Variants in ZNF804B observed in about 807,000 individuals in gnomAD.
The protein encoded by ZNF804B is zinc finger 804B.
ZNF804B carries 80 observed loss-of-function variants against 101.4 expected under a neutral mutation model. The observed-to-expected ratio is 0.79, with a 90% CI of 0.66 to 0.95. The LOEUF (loss-of-function observed/expected upper bound fraction) is 0.95, where lower values mean the gene tolerates loss of function less well. ZNF804B is among the 40% of genes least tolerant of loss of function. ZNF804B has a pLI of 0.00. For missense variants in ZNF804B, 1,673 were observed against 1,561.9 expected (o/e 1.07, Z -1.20); for synonymous variants, 622 against 558.8 (o/e 1.11, Z -1.59).
At chr7:89,035,312 TC>T (rs1377223778) in intron 1 of ZNF804B, among the ~76,000 whole-genome samples, 1 of 152,066 alleles carries the variant, frequency 6.6e-6, no homozygotes. Flanking sequence ...GTAGCTTCTA[TC>T]ACCAGCAAAG....
chr7:89,210,468 A>C (rs1206643240), intron 1 of ZNF804B, among the ~76,000 whole-genome samples: 1 of 152,234 alleles, frequency 6.6e-6, no homozygotes, highest in South Asian at 2.1e-4. Context: ...AGCATACATC[A>C]GCTGTTTATC....
At chr7:88,797,883 A>C (rs185687322) in intron 1 of ZNF804B, among the ~76,000 whole-genome samples, 1 of 152,254 alleles carries the variant, frequency 6.6e-6, no homozygotes, top group East Asian at 1.9e-4. Context: ...AGAGTGATGT[A>C]CTATCAAGTT....
intron 1 of ZNF804B, among the ~76,000 whole-genome samples, chr7:88,851,265 A>G (rs539498515): frequency 6.6e-6 from 1 of 152,244 alleles, no homozygotes; most frequent in South Asian, 2.1e-4. Context: ...TATAAAAGCT[A>G]TACATCTGCA....
chr7:89,067,502 G>T (rs934362140), intron 1 of ZNF804B, among the ~76,000 whole-genome samples: 3 of 152,132 alleles, frequency 2.0e-5, no homozygotes, highest in Non-Finnish European at 4.4e-5. Context: ...CCAAATGATT[G>T]CTCTTCCCTT....
chr7:89,026,287 G>A (rs1050894603), intron 1 of ZNF804B, among the ~76,000 whole-genome samples: 4 of 152,142 alleles, frequency 2.6e-5, no homozygotes, highest in Non-Finnish European at 5.9e-5. Context: ...AGAATGGAAC[G>A]GGGTTGCCCA....
chr7:89,239,972 A>G (rs1375549425), intron 2 of ZNF804B, among the ~76,000 whole-genome samples: 2 of 151,872 alleles, frequency 1.3e-5, no homozygotes, highest in Admixed American at 6.6e-5. Context: ...AATGGTATCT[A>G]ACTTCTCAAT....
chr7:88,993,523 A>C (rs1227913303), intron 1 of ZNF804B, among the ~76,000 whole-genome samples: 1 of 152,074 alleles, frequency 6.6e-6, no homozygotes, highest in Non-Finnish European at 1.5e-5. Flanking sequence ...AAAAAGGTCA[A>C]TGACCCAAAA....
At chr7:89,210,447 G>A (rs574676393) in intron 1 of ZNF804B, among the ~76,000 whole-genome samples, 33 of 152,162 alleles carry the variant, frequency 2.2e-4, no homozygotes, top group Non-Finnish European at 3.4e-4. Context: ...CATCACCTAG[G>A]TATTAAGCCC....
intron 1 of ZNF804B, among the ~76,000 whole-genome samples, chr7:88,763,652 A>G (rs1281188776): frequency 1.3e-5 from 2 of 152,026 alleles, no homozygotes; most frequent in South Asian, 2.1e-4. Flanking sequence ...AAATTCTACC[A>G]CAATTTATAC....
chr7:88,990,029 A>G (rs1321340337), intron 1 of ZNF804B, among the ~76,000 whole-genome samples: 1 of 152,092 alleles, frequency 6.6e-6, no homozygotes, highest in African/African-American at 2.4e-5. Flanking sequence ...CAAAAAGAAT[A>G]TAAATCACCT....
chr7:89,121,011 A>G (rs1261925508), intron 1 of ZNF804B, among the ~76,000 whole-genome samples: 2 of 152,244 alleles, frequency 1.3e-5, no homozygotes, highest in African/African-American at 2.4e-5. Context: ...CGACTTAGTC[A>G]TCATAAAATG....
intron 1 of ZNF804B, among the ~76,000 whole-genome samples, chr7:88,890,636 C>CT (rs1249863595): frequency 3.3e-5 from 5 of 151,984 alleles, no homozygotes; most frequent in African/African-American, 7.2e-5. Flanking sequence ...TGTTTAGTTG[C>CT]TTTTTTTCCC....
In ZNF804B at chr7:89,258,362, C is replaced by G. The variant is rs137981807; in HGVS notation, c.249+40067C>G. On this transcript the variant is annotated intron_variant, in intron 2 of 3. Transcript: ENST00000333190. The stretch of plus-strand genomic sequence containing the variant: ...CCCCTTAATTGCTCAGAATCCTGCT[C>G]TGCTAGTCTAATGAATAATGAAAAT... Among the ~76,000 whole-genome samples the G allele has an allele frequency of 1.6e-4, 25 of 152,206 alleles. No individual in the cohort carries two copies. The East Asian group carries it at 4.8e-3, about 29-fold the overall frequency.
At chr7:89,077,960 C>T (rs1195720076) in intron 1 of ZNF804B, among the ~76,000 whole-genome samples, 1 of 151,934 alleles carries the variant, frequency 6.6e-6, no homozygotes, top group Non-Finnish European at 1.5e-5. Context: ...TGAAAATTTT[C>T]TTAGAACCAC....
At chr7:88,936,069 C>T (rs1460911322) in intron 1 of ZNF804B, among the ~76,000 whole-genome samples, 1 of 148,236 alleles carries the variant, frequency 6.7e-6, no homozygotes, top group Non-Finnish European at 1.5e-5. Context: ...TTCCTTTCCC[C>T]TTCTCTCTCC....
At chr7:89,243,467 G>C (rs1291746613) in intron 2 of ZNF804B, among the ~76,000 whole-genome samples, 1 of 151,740 alleles carries the variant, frequency 6.6e-6, no homozygotes, top group African/African-American at 2.4e-5. Context: ...GAACCAAATA[G>C]TTTTTAATAT....
chr7:89,249,479 T>G (rs1789507537), intron 2 of ZNF804B, among the ~76,000 whole-genome samples: 1 of 152,048 alleles, frequency 6.6e-6, no homozygotes, highest in South Asian at 2.1e-4. Context: ...AACAGGAAGA[T>G]CTCTCAAAAC....
chr7:88,864,418 AG>A (rs749745095), intron 1 of ZNF804B, among the ~76,000 whole-genome samples: 91 of 152,294 alleles, frequency 6.0e-4, no homozygotes, highest in Admixed American at 2.7e-3. Context: ...GTACAATCTC[AG>A]GGCCAGGCAA....
chr7:88,852,209 G>GTAT (rs1258316784), intron 1 of ZNF804B, among the ~76,000 whole-genome samples: 11 of 152,062 alleles, frequency 7.2e-5, no homozygotes, highest in Non-Finnish European at 1.0e-4. Context: ...CCATCATGAT[G>GTAT]TATTATCAGA....
Sources: allele counts gnomAD v4.1 joint callset (sites outside exome capture counted in the v4.1 genomes callset), GRCh38; gene constraint gnomAD v4.1.1; transcripts MANE v1.5; gene names NCBI Gene and HGNC (gene_info 2026-07-23, HGNC 2026-07-21).